The following SRD5A2 variants were observed in gnomAD, a reference collection of about 807,000 sequenced individuals.
SRD5A2 encodes the protein steroid 5 alpha-reductase 2.
In SRD5A2, 30 loss-of-function variants were observed where a neutral mutation model predicts 27.4. The observed-to-expected ratio is 1.10, with a 90% CI of 0.82 to 1.49. The LOEUF is 1.49. Among genes scored for constraint, SRD5A2 ranks in the 40% most tolerant of loss-of-function variants. SRD5A2 has a pLI of 0.00. For synonymous variants in SRD5A2, 141 were observed against 133.6 expected (o/e 1.06, Z -0.38); for missense variants, 348 against 323.4 (o/e 1.08, Z -0.58).
chr2:31,567,367 G>C (rs1240220879), intron 1 of SRD5A2, among the ~76,000 whole-genome samples: 3 of 151,330 alleles, frequency 2.0e-5, no homozygotes, highest in African/African-American at 7.3e-5. Flanking sequence ...GGCCTACCTA[G>C]TTTTCTTATT....
intron 1 of SRD5A2, among the ~76,000 whole-genome samples, chr2:31,567,456 G>GTTTATATA (rs143408801): frequency 7.1e-6 from 1 of 140,240 alleles, no homozygotes. Context: ...GTGTGTGTGT[G>GTTTATATA]TATATATATA....
At position 31,525,215 on chromosome 2, in the gene SRD5A2, C is replaced by T. The variant is rs191186592; in HGVS notation, c.*981G>A. On this transcript the variant is annotated 3_prime_UTR_variant, in exon 5 of 5. Coordinates refer to ENST00000622030, the MANE Select transcript of SRD5A2 (RefSeq NM_000348.4). Reference sequence around the variant, plus strand: ...TCCTGAGAACTACAAGGAAGAAGCTCCAGGAAAGGAAAGTTGCTTGGGGCT... The same window carrying T: ...TCCTGAGAACTACAAGGAAGAAGCTTCAGGAAAGGAAAGTTGCTTGGGGCT... The T allele has an allele frequency of 4.1e-3, 905 of 222,538 alleles. 2 individuals carry two copies. The highest frequency in any genetic ancestry group is 5.8e-3 in the Non-Finnish European group (643 of 111,228). 13.8% of individuals were successfully genotyped at this position (222,538 alleles called of 1,614,324 possible).
chr2:31,548,433 G>A (rs1666309655), intron 1 of SRD5A2, among the ~76,000 whole-genome samples: 2 of 152,126 alleles, frequency 1.3e-5, no homozygotes, highest in African/African-American at 4.8e-5. Flanking sequence ...TCGAATAAAT[G>A]TCTCTCCAAA....
intron 1 of SRD5A2, among the ~76,000 whole-genome samples, chr2:31,564,998 CAA>C (rs1426724085): frequency 6.6e-6 from 1 of 151,442 alleles, no homozygotes; most frequent in Non-Finnish European, 1.5e-5. Context: ...ACGATTTAAA[CAA>C]AAATAATAGT....
At chr2:31,549,094 A>ATTATTATTG (rs1666325902) in intron 1 of SRD5A2, among the ~76,000 whole-genome samples, 1 of 142,202 alleles carries the variant, frequency 7.0e-6, no homozygotes, top group African/African-American at 2.6e-5. Flanking sequence ...TATTATTATT[A>ATTATTATTG]TTATTATTAT....
At position 31,524,215 on chromosome 2, in the gene SRD5A2, G is replaced by A; in HGVS notation, c.*1981C>T. 2 of 225,654 alleles carry A rather than the reference G, an allele frequency of 8.9e-6. No individual in the cohort carries two copies. Among genetic ancestry groups the A allele is most frequent in the East Asian group, 6.4e-5 (1 of 15,612 alleles). The allele number at this position is 225,654 out of a possible 1,614,324, so 14.0% of individuals were successfully genotyped here. A position where few individuals can be genotyped will look rare whatever the true frequency, so the allele number is the denominator to read the frequency against. ...AAGCAAGGTAGTTTTCAATGTCATG[G>A]AGAGAACTGGAAGTCTTTTATGTCA... is the stretch of plus-strand genomic sequence containing the variant. On this transcript the variant is annotated 3_prime_UTR_variant, in exon 5 of 5. Transcript: ENST00000622030.
the SRD5A2 span, among the ~76,000 whole-genome samples, chr2:31,612,969 GA>G: frequency 4.6e-5 from 7 of 152,120 alleles, no homozygotes; most frequent in African/African-American, 1.2e-4. Context: ...TCCACATGCA[GA>G]AGAATGAAAT....
the SRD5A2 span, among the ~76,000 whole-genome samples, chr2:31,592,339 C>T: frequency 4.8e-3 from 731 of 152,182 alleles, 4 homozygotes; most frequent in African/African-American, 0.016. Context: ...CCTGGCTAAC[C>T]GGAAGTCCTG....
At chr2:31,579,130 C>T (rs1297285288) in intron 1 of SRD5A2, among the ~76,000 whole-genome samples, 1 of 152,198 alleles carries the variant, frequency 6.6e-6, no homozygotes, top group African/African-American at 2.4e-5. Context: ...TTGTTCACAG[C>T]AGGCTTTTAG....
chr2:31,660,729 T>A, the SRD5A2 span, among the ~76,000 whole-genome samples: 1 of 152,176 alleles, frequency 6.6e-6, no homozygotes, highest in South Asian at 2.1e-4. Flanking sequence ...ATGAGGTTTA[T>A]TCACTATAGG....
At chr2:31,554,820 G>A (rs1666459842) in intron 1 of SRD5A2, among the ~76,000 whole-genome samples, 2 of 151,970 alleles carry the variant, frequency 1.3e-5, no homozygotes, top group African/African-American at 4.8e-5. Flanking sequence ...AAATATGTAG[G>A]GACAGATGGT....
chr2:31,648,342 T>A, the SRD5A2 span, among the ~76,000 whole-genome samples: 19 of 152,358 alleles, frequency 1.2e-4, no homozygotes, highest in African/African-American at 4.6e-4. Flanking sequence ...CACAATTTTT[T>A]CAGTGCTTAA....
the SRD5A2 span, among the ~76,000 whole-genome samples, chr2:31,617,440 T>C: frequency 6.6e-6 from 1 of 152,172 alleles, no homozygotes; most frequent in Non-Finnish European, 1.5e-5. Flanking sequence ...ATTTTCCCCA[T>C]TGTCTTGGAG....
At chr2:31,565,936 T>C (rs1558371594) in intron 1 of SRD5A2, among the ~76,000 whole-genome samples, 1 of 152,046 alleles carries the variant, frequency 6.6e-6, no homozygotes, top group East Asian at 1.9e-4. Context: ...ATTATTACGA[T>C]TGATAGACCC....
intron 2 of SRD5A2, among the ~76,000 whole-genome samples, chr2:31,532,555 C>G (rs970196715): frequency 6.6e-6 from 1 of 152,130 alleles, no homozygotes; most frequent in Non-Finnish European, 1.5e-5. Context: ...GATGCTAGAT[C>G]CTGCATCCCA....
At chr2:31,580,955 C>G, upstream of SRD5A2, 17 of 1,548,368 alleles carry the variant, frequency 1.1e-5, no homozygotes, top group Non-Finnish European at 1.4e-5. Context: ...GCGCGGCCCC[C>G]GCAACCCCTT....
At chr2:31,570,913 G>A (rs938301408) in intron 1 of SRD5A2, among the ~76,000 whole-genome samples, 5 of 152,174 alleles carry the variant, frequency 3.3e-5, no homozygotes, top group Admixed American at 2.6e-4. Flanking sequence ...CTCATGGATA[G>A]AAAGAATCAA....
At chr2:31,656,670 G>C in the SRD5A2 span, among the ~76,000 whole-genome samples, 1 of 152,158 alleles carries the variant, frequency 6.6e-6, no homozygotes, top group East Asian at 1.9e-4. Context: ...TGGAAGCAGA[G>C]AGACTAAGGC....
the SRD5A2 span, among the ~76,000 whole-genome samples, chr2:31,653,022 G>T: frequency 2.0e-5 from 3 of 152,060 alleles, no homozygotes; most frequent in Non-Finnish European, 4.4e-5. Context: ...CTACAGCAAT[G>T]GTTCATCAAC....
Sources: allele counts gnomAD v4.1 joint callset (sites outside exome capture counted in the v4.1 genomes callset), GRCh38; gene constraint gnomAD v4.1.1; transcripts MANE v1.5; gene names NCBI Gene and HGNC (gene_info 2026-07-23, HGNC 2026-07-21).